GALNT17: variants seen among roughly 807,000 people sequenced by gnomAD.
GALNT17 encodes UDP-GalNAc:polypeptide N-acetylgalactosaminyltransferase-like 3.
GALNT17 carries 29 observed loss-of-function variants against 63.7 expected under a neutral mutation model. The observed-to-expected ratio is 0.46, with a 90% CI of 0.34 to 0.62. The LOEUF is 0.62. Ranked by LOEUF, GALNT17 falls within the 20% of genes least tolerant of loss-of-function variation. The probability of loss-of-function intolerance (pLI) is 0.01; values close to 1 mark genes in which losing one functional copy is unlikely to be tolerated. For synonymous variants in GALNT17, 305 were observed against 318.3 expected (o/e 0.96, Z 0.45); for missense variants, 603 against 799.6 (o/e 0.75, Z 2.97).
chr7:71,364,192 G>A (rs796708493), intron 2 of GALNT17, among the ~76,000 whole-genome samples: 22 of 152,186 alleles, frequency 1.4e-4, no homozygotes, highest in African/African-American at 5.3e-4. Flanking sequence ...AAAGTCCATT[G>A]TATCATTCTT....
In GALNT17 at chr7:71,261,999, C is replaced by T. The variant is rs567071718; in HGVS notation, c.239-73551C>T. On this transcript the variant is annotated intron_variant, in intron 1 of 10. Transcript: ENST00000333538. ...GAGGGGGTCTACATCTTGGGCACCC[C>T]GATTACCTGAGCGTGCACCTAGGAG... is the stretch of plus-strand genomic sequence containing the variant. Among the ~76,000 whole-genome samples the T allele has an allele frequency of 1.8e-4, 27 of 152,210 alleles. No homozygotes were observed. In the East Asian group the frequency reaches 3.9e-3, roughly 22 times the overall value.
intron 5 of GALNT17, among the ~76,000 whole-genome samples, chr7:71,460,092 A>T (rs1032173626): frequency 1.3e-5 from 2 of 152,012 alleles, no homozygotes; most frequent in African/African-American, 4.8e-5. Context: ...GCCAAGCTGT[A>T]CCCCGACCAC....
rs112796352 is a variant in GALNT17 at position 71,239,071 on chromosome 7, C to T, written c.239-96479C>T. The stretch of plus-strand genomic sequence containing the variant: ...CTAGAGATGAGCCTGCAGCCCCAGC[C>T]GACAGTCCCATTGCAATCTAATGAG... On this transcript the variant is annotated intron_variant, in intron 1 of 10. Coordinates refer to ENST00000333538, the MANE Select transcript of GALNT17 (RefSeq NM_022479.3). Among the ~76,000 whole-genome samples, 649 of 152,236 alleles carry T rather than the reference C, an allele frequency of 4.3e-3. 3 individuals carry two copies. Among genetic ancestry groups the T allele is most frequent in the Non-Finnish European group, 5.9e-3 (398 of 68,026 alleles).
intron 5 of GALNT17, among the ~76,000 whole-genome samples, chr7:71,479,165 A>G (rs1426687016): frequency 6.6e-6 from 1 of 152,164 alleles, no homozygotes; most frequent in East Asian, 1.9e-4. Context: ...TAAATAGACC[A>G]GAAATTGTCT....
intron 1 of GALNT17, among the ~76,000 whole-genome samples, chr7:71,168,117 C>A (rs1410363216): frequency 6.6e-6 from 1 of 152,086 alleles, no homozygotes; most frequent in East Asian, 1.9e-4. Context: ...GTGCCTTTGT[C>A]AAAAATTTAT....
chr7:71,535,031 C>T (rs747651321), intron 5 of GALNT17, among the ~76,000 whole-genome samples: 3 of 152,122 alleles, frequency 2.0e-5, no homozygotes, highest in African/African-American at 7.2e-5. Flanking sequence ...CAACCCTCGT[C>T]CCCCAAAGTA....
At chr7:71,158,151 G>A (rs926232438) in intron 1 of GALNT17, among the ~76,000 whole-genome samples, 2 of 151,042 alleles carry the variant, frequency 1.3e-5, no homozygotes, top group African/African-American at 2.5e-5. Flanking sequence ...CATACTCAGT[G>A]GAATTGCTAT....
chr7:71,450,775 G>T lies in GALNT17; in HGVS notation c.962+29670G>T, dbSNP rs192679333. Among the ~76,000 whole-genome samples the T allele has an allele frequency of 2.0e-5, 3 of 152,228 alleles. No individual in the cohort carries two copies. In the East Asian group the frequency reaches 5.8e-4, roughly 29 times the overall value. ...TGGAATAGGTGGTCTTTTGTGAGTG[G>T]CTTCTTTCTGTTAGCATCATGCTTT... On this transcript the variant is annotated intron_variant, in intron 5 of 10. Coordinates refer to ENST00000333538, the MANE Select transcript of GALNT17 (RefSeq NM_022479.3).
At chr7:71,548,479 A>G (rs1385869727) in intron 5 of GALNT17, among the ~76,000 whole-genome samples, 1 of 152,170 alleles carries the variant, frequency 6.6e-6, no homozygotes, top group African/African-American at 2.4e-5. Flanking sequence ...AACATTGACA[A>G]TCTGGTAGAA....
At chr7:71,489,535 A>T (rs1362486027) in intron 5 of GALNT17, among the ~76,000 whole-genome samples, 1 of 152,212 alleles carries the variant, frequency 6.6e-6, no homozygotes, top group East Asian at 1.9e-4. Flanking sequence ...TGGATAAGAG[A>T]TCAAGTGTGG....
intron 3 of GALNT17, among the ~76,000 whole-genome samples, chr7:71,394,309 G>C (rs533220590): frequency 6.6e-6 from 1 of 152,188 alleles, no homozygotes; most frequent in Admixed American, 6.5e-5. Flanking sequence ...AATTCCATAA[G>C]AATGGCACCA....
chr7:71,600,645 A>G (rs981313700), intron 6 of GALNT17, among the ~76,000 whole-genome samples: 3 of 152,194 alleles, frequency 2.0e-5, no homozygotes, highest in African/African-American at 7.2e-5. Flanking sequence ...GCCCTTTGCC[A>G]TGATGGGTCA....
Position 71,712,370 on chromosome 7 carries a change from C to A in GALNT17, c.*224C>A. 2.3e-6 allele frequency: 1 copy of A among 441,712 alleles called. No homozygotes were observed. The allele number at this position is 441,712 out of a possible 1,614,324, so 27.4% of individuals were successfully genotyped here. Reference sequence around the variant, plus strand: ...CTGCACCCTGGAAAAGCCCCCCACCCTTCCTCTGGGAAACTGACAGCTGTC... The same window carrying A: ...CTGCACCCTGGAAAAGCCCCCCACCATTCCTCTGGGAAACTGACAGCTGTC... On this transcript the variant is annotated 3_prime_UTR_variant, in exon 11 of 11. Coordinates refer to ENST00000333538, the MANE Select transcript of GALNT17 (RefSeq NM_022479.3).
At chr7:71,383,590 C>T (rs1403274916) in intron 2 of GALNT17, among the ~76,000 whole-genome samples, 1 of 152,052 alleles carries the variant, frequency 6.6e-6, no homozygotes, top group Admixed American at 6.6e-5. Flanking sequence ...AGGCATGTGC[C>T]ACCATGCCTG....
chr7:71,214,601 G>A (rs1032830748), intron 1 of GALNT17, among the ~76,000 whole-genome samples: 133 of 139,742 alleles, frequency 9.5e-4, no homozygotes, highest in African/African-American at 3.2e-3. Context: ...TTTTGACATG[G>A]TGTCTCACTC....
At chr7:71,357,813 A>G (rs1302692232) in intron 2 of GALNT17, among the ~76,000 whole-genome samples, 1 of 152,190 alleles carries the variant, frequency 6.6e-6, no homozygotes, top group Non-Finnish European at 1.5e-5. Context: ...TGCACCAATC[A>G]GCGCCCTGTA....
intron 6 of GALNT17, among the ~76,000 whole-genome samples, chr7:71,579,398 A>G (rs1248371373): frequency 6.6e-6 from 1 of 152,240 alleles, no homozygotes; most frequent in South Asian, 2.1e-4. Context: ...CTCTATCTCC[A>G]TGAAATTTAT....
chr7:71,337,909 C>A (rs1331640424), intron 2 of GALNT17, among the ~76,000 whole-genome samples: 1 of 151,840 alleles, frequency 6.6e-6, no homozygotes, highest in Admixed American at 6.6e-5. Context: ...AACAAAAAAA[C>A]TTGGGGCTGA....
In GALNT17 at chr7:71,357,583, C is replaced by T. The variant is rs149667915; in HGVS notation, c.422+21850C>T. Among the ~76,000 whole-genome samples the T allele has an allele frequency of 4.9e-4, 74 of 152,318 alleles. 1 individual carries two copies. The highest frequency in any genetic ancestry group is 1.8e-3 in the African/African-American group (73 of 41,584). On this transcript the variant is annotated intron_variant, in intron 2 of 10. Coordinates refer to ENST00000333538, the MANE Select transcript of GALNT17 (RefSeq NM_022479.3). ...TCCCCATACTTTTTAACTTTCTTCT[C>T]TCCCAGAAACAATGCCTTGAGTCAT...
Sources: allele counts gnomAD v4.1 joint callset (sites outside exome capture counted in the v4.1 genomes callset), GRCh38; gene constraint gnomAD v4.1.1; transcripts MANE v1.5; gene names NCBI Gene and HGNC (gene_info 2026-07-23, HGNC 2026-07-21).